Variants in PTPRD observed in about 807,000 individuals in gnomAD.
PTPRD encodes the protein protein tyrosine phosphatase receptor type D.
Under a neutral mutation model 214.5 loss-of-function variants are expected in PTPRD, and 34 were observed. The ratio of observed to expected loss-of-function variants is 0.16; its 90% CI spans 0.12 to 0.21. The LOEUF (loss-of-function observed/expected upper bound fraction) is 0.21, where lower values mean the gene tolerates loss of function less well. Ranked by LOEUF, PTPRD falls within the 10% of genes least tolerant of loss-of-function variation. PTPRD has a pLI of 1.00. For synonymous variants in PTPRD, 1,128 were observed against 845.7 expected, an observed-to-expected ratio of 1.33 and a Z score of -5.79; for missense variants, 2,545 against 2,398.7, an observed-to-expected ratio of 1.06 and a Z score of -1.27.
intron 32 of PTPRD, among the ~76,000 whole-genome samples, chr9:8,465,143 G>A (rs1051986941): frequency 3.9e-5 from 6 of 151,918 alleles, no homozygotes; most frequent in Non-Finnish European, 8.8e-5. Flanking sequence ...GATGATGGAA[G>A]GAGATTGTAA....
intron 4 of PTPRD, among the ~76,000 whole-genome samples, chr9:10,028,751 G>GT (rs1205274755): frequency 1.3e-5 from 2 of 152,158 alleles, no homozygotes; most frequent in Admixed American, 1.3e-4. Context: ...CTTGGGTGCT[G>GT]TTAAAGGCAT....
chr9:9,229,129 G>T (rs145220022), intron 9 of PTPRD, among the ~76,000 whole-genome samples: 36 of 152,170 alleles, frequency 2.4e-4, no homozygotes, highest in African/African-American at 8.2e-4. Context: ...CCAGTAGAAT[G>T]ATATCACATT....
chr9:10,521,666 CT>C (rs2134208176), intron 2 of PTPRD, among the ~76,000 whole-genome samples: 1 of 152,186 alleles, frequency 6.6e-6, no homozygotes, highest in Admixed American at 6.5e-5. Context: ...CCACCCTAAC[CT>C]TCGACAACCA....
rs114553315 is a variant in PTPRD, at chr9:9,018,684, C to A, written c.-104+13G>T. 1.3e-5 allele frequency: 2 copies of A among 152,126 alleles called. No individual in the cohort carries two copies. The highest frequency in any genetic ancestry group is 6.5e-5 in the Admixed American group (1 of 15,272). The allele number at this position is 152,126 out of a possible 1,614,324, so 9.4% of individuals were successfully genotyped here. On this transcript the variant is annotated intron_variant, in intron 11 of 45. Coordinates refer to ENST00000381196, the MANE Select transcript of PTPRD (RefSeq NM_002839.4). ...AAAGCCAGGCACACAACCCAGTATGCTTTAAATCTTACTTGTTCTTTAGAT... is the reference window on the plus strand; with the variant it reads ...AAAGCCAGGCACACAACCCAGTATGATTTAAATCTTACTTGTTCTTTAGAT...
intron 2 of PTPRD, among the ~76,000 whole-genome samples, chr9:10,385,356 G>A (rs557336166): frequency 6.6e-6 from 1 of 151,578 alleles, no homozygotes; most frequent in South Asian, 2.1e-4. Context: ...ATTTTTTCTT[G>A]TAGGCTTTAG....
At chr9:9,246,006 C>G in intron 9 of PTPRD, among the ~76,000 whole-genome samples, 1 of 152,032 alleles carries the variant, frequency 6.6e-6, no homozygotes, top group Non-Finnish European at 1.5e-5. Flanking sequence ...TGGCTGATCA[C>G]TAGTTTTACT....
chr9:9,752,151 A>G (rs1230788764), intron 6 of PTPRD, among the ~76,000 whole-genome samples: 1 of 152,090 alleles, frequency 6.6e-6, no homozygotes, highest in East Asian at 1.9e-4. Context: ...ATGGTTTGGC[A>G]CGAGAGGAGG....
chr9:8,538,707 T>C (rs1245249300), intron 14 of PTPRD, among the ~76,000 whole-genome samples: 1 of 151,722 alleles, frequency 6.6e-6, no homozygotes, highest in Admixed American at 6.6e-5. Flanking sequence ...TAAATGAGTA[T>C]GCATGCACAA....
intron 3 of PTPRD, among the ~76,000 whole-genome samples, chr9:10,179,367 G>A (rs2099268509): frequency 6.6e-6 from 1 of 151,924 alleles, no homozygotes; most frequent in African/African-American, 2.4e-5. Context: ...AACATAGAAA[G>A]CAGTCAATCT....
chr9:10,523,622 T>G (rs1198254461), intron 2 of PTPRD, among the ~76,000 whole-genome samples: 21,449 of 131,330 alleles, frequency 0.16, 2,726 homozygotes, highest in Admixed American at 0.26. Context: ...TATATATATA[T>G]AGACAGAAAG....
chr9:10,475,350 A>G (rs1337836476), intron 2 of PTPRD, among the ~76,000 whole-genome samples: 2 of 152,176 alleles, frequency 1.3e-5, no homozygotes, highest in South Asian at 4.1e-4. Context: ...AGAGAATATT[A>G]TAAACACCTC....
intron 3 of PTPRD, among the ~76,000 whole-genome samples, chr9:10,115,978 AG>A (rs2098727712): frequency 6.6e-6 from 1 of 152,142 alleles, no homozygotes; most frequent in Non-Finnish European, 1.5e-5. Flanking sequence ...AATTTAAGAT[AG>A]AAAAAAAGGA....
At chr9:9,991,338 A>T (rs2095910537) in intron 4 of PTPRD, among the ~76,000 whole-genome samples, 1 of 151,522 alleles carries the variant, frequency 6.6e-6, no homozygotes, top group Non-Finnish European at 1.5e-5. Flanking sequence ...TAAAATTCAG[A>T]GATTCTCTTT....
chr9:9,075,936 T>C (rs2099750500), intron 10 of PTPRD, among the ~76,000 whole-genome samples: 1 of 152,202 alleles, frequency 6.6e-6, no homozygotes, highest in African/African-American at 2.4e-5. Flanking sequence ...AGTAATGGGA[T>C]GGCTGGGTCA....
intron 7 of PTPRD, among the ~76,000 whole-genome samples, chr9:9,617,857 G>T (rs1313673965): frequency 2.0e-5 from 3 of 151,688 alleles, no homozygotes; most frequent in Non-Finnish European, 4.4e-5. Context: ...CAGATCACGA[G>T]GTCAGGAGAT....
At chr9:10,366,488 C>A (rs1189126661) in intron 2 of PTPRD, among the ~76,000 whole-genome samples, 1 of 152,064 alleles carries the variant, frequency 6.6e-6, no homozygotes, top group Non-Finnish European at 1.5e-5. Context: ...CTATACCAGA[C>A]AAAGTGGATC....
At chr9:9,529,912 A>C (rs2075080291) in intron 8 of PTPRD, among the ~76,000 whole-genome samples, 1 of 151,972 alleles carries the variant, frequency 6.6e-6, no homozygotes, top group South Asian at 2.1e-4. Context: ...TTGAGTATTT[A>C]TGCAGCTGTA....
At chr9:9,825,223 T>A (rs1244898171) in intron 5 of PTPRD, among the ~76,000 whole-genome samples, 3 of 152,042 alleles carry the variant, frequency 2.0e-5, no homozygotes, top group Non-Finnish European at 4.4e-5. Flanking sequence ...ATGCTTGATT[T>A]TAATTTTATT....
At chr9:10,522,836 AAATT>A (rs1408215399) in intron 2 of PTPRD, among the ~76,000 whole-genome samples, 3 of 152,110 alleles carry the variant, frequency 2.0e-5, no homozygotes, top group African/African-American at 7.2e-5. Flanking sequence ...TGAAAATAAA[AAATT>A]AATGCATAAA....
Sources: gnomAD v4.1 joint callset for allele counts (sites outside exome capture counted in the v4.1 genomes callset) on GRCh38, gnomAD v4.1.1 for gene constraint, MANE v1.5 for transcripts, NCBI Gene and HGNC (gene_info 2026-07-23, HGNC 2026-07-21) for gene names.